Variants in RCAN1 observed in about 807,000 individuals in gnomAD.
RCAN1 encodes the protein regulator of calcineurin 1, also known as calcipressin-1.
A neutral mutation model predicts 22.9 loss-of-function variants in RCAN1; 11 were observed. That is an observed-to-expected ratio of 0.48 (90% CI 0.30 to 0.79). The LOEUF is 0.79. RCAN1 is among the 30% of genes least tolerant of loss of function. The pLI, the probability that RCAN1 is intolerant of heterozygous loss-of-function variation, is 0.06. For missense variants in RCAN1, 291 were observed against 337.8 expected (o/e 0.86, Z 1.09); for synonymous variants, 136 against 142.3 (o/e 0.96, Z 0.32).
chr21:34,555,812 C>T (rs1182428056), intron 1 of RCAN1, among the ~76,000 whole-genome samples: 1 of 151,670 alleles, frequency 6.6e-6, no homozygotes, highest in East Asian at 1.9e-4. Context: ...CCTGTAATCC[C>T]AGCACTTTGG....
chr21:34,537,509 C>T (rs1985723091), intron 1 of RCAN1, among the ~76,000 whole-genome samples: 1 of 152,218 alleles, frequency 6.6e-6, no homozygotes, highest in South Asian at 2.1e-4. Context: ...CTCCATTTCA[C>T]TGTGGCCGAG....
intron 1 of RCAN1, among the ~76,000 whole-genome samples, chr21:34,563,073 T>C (rs2834543): frequency 0.2 from 31,042 of 152,184 alleles, 3,392 homozygotes; most frequent in South Asian, 0.32. Context: ...CAGTATTGAT[T>C]GTGGTGTCCG....
chr21:34,544,426 G>C (rs4816493), intron 1 of RCAN1, among the ~76,000 whole-genome samples: 28,737 of 152,030 alleles, frequency 0.19, 3,950 homozygotes, highest in East Asian at 0.37. Context: ...CAGATTCTCC[G>C]CAAGAGTCTC....
chr21:34,601,005 C>T (rs1299087729), intron 1 of RCAN1, among the ~76,000 whole-genome samples: 2 of 152,184 alleles, frequency 1.3e-5, no homozygotes, highest in Non-Finnish European at 2.9e-5. Flanking sequence ...TGCAGGACCC[C>T]CTGGCCTGAA....
chr21:34,551,395 T>C (rs1198162207), intron 1 of RCAN1, among the ~76,000 whole-genome samples: 1 of 152,202 alleles, frequency 6.6e-6, no homozygotes, highest in Non-Finnish European at 1.5e-5. Flanking sequence ...AAAATAATGA[T>C]GTTGATTTGC....
At chr21:34,605,131 G>T (rs1988482267) in intron 1 of RCAN1, among the ~76,000 whole-genome samples, 1 of 152,236 alleles carries the variant, frequency 6.6e-6, no homozygotes, top group African/African-American at 2.4e-5. Flanking sequence ...TGAGTCAGTG[G>T]ACTGGGAAAG....
chr21:34,576,480 C>T (rs943380707), intron 1 of RCAN1, among the ~76,000 whole-genome samples: 2 of 152,184 alleles, frequency 1.3e-5, no homozygotes, highest in East Asian at 1.9e-4. Context: ...GGCTGTGACA[C>T]GTTCCAGGCT....
chr21:34,615,048 T>C lies in RCAN1; in HGVS notation c.-37A>G. The C allele has an allele frequency of 9.8e-7, 1 of 1,023,050 alleles. No homozygotes were observed. 63.4% of individuals were successfully genotyped at this position (1,023,050 alleles called of 1,614,324 possible). On this transcript the variant is annotated 5_prime_UTR_variant, in exon 1 of 4. Transcript: ENST00000313806. Reference sequence around the variant, plus strand: ...CGCGACCCTGTGCGCCCCAGCGGGCTGCTCCGGGCTTGCGCGCCGGAGCCT... The same window carrying C: ...CGCGACCCTGTGCGCCCCAGCGGGCCGCTCCGGGCTTGCGCGCCGGAGCCT...
chr21:34,559,994 G>C (rs1420147701), intron 1 of RCAN1: 1 of 152,146 alleles, frequency 6.6e-6, no homozygotes, highest in Non-Finnish European at 1.5e-5. Flanking sequence ...ATTACTTAAC[G>C]AGAGCAATGG....
chr21:34,557,412 A>T (rs1235604109), intron 1 of RCAN1, among the ~76,000 whole-genome samples: 4 of 152,124 alleles, frequency 2.6e-5, no homozygotes, highest in Non-Finnish European at 2.9e-5. Flanking sequence ...GGCAGCCCAC[A>T]TGTTTCTGTT....
chr21:34,537,457 G>A (rs1985720363), intron 1 of RCAN1, among the ~76,000 whole-genome samples: 1 of 152,124 alleles, frequency 6.6e-6, no homozygotes, highest in Non-Finnish European at 1.5e-5. Context: ...CTTCTTTTTG[G>A]TGGTGGTGGC....
Position 34,518,774 on chromosome 21 carries a change from A to G in RCAN1, c.587-518T>C, listed in dbSNP as rs943100925. ...GGCTGCACGGAGCCAGGTGCTCTGG[A>G]AACGTTTTTGACCTGGGCATCTTTT... On this transcript the variant is annotated intron_variant, in intron 3 of 3. Coordinates refer to ENST00000313806, the MANE Select transcript of RCAN1 (RefSeq NM_004414.7). The surrounding 1 kb of genome is among the most constrained non-coding windows in gnomAD (Gnocchi z 4.2). Among the ~76,000 whole-genome samples, 8 of 152,204 alleles carry G rather than the reference A, an allele frequency of 5.3e-5. No individual in the cohort carries two copies. The highest frequency in any genetic ancestry group is 1.2e-4 in the Non-Finnish European group (8 of 68,032).
At chr21:34,577,600 A>AAAACAAACAAAC (rs536808758) in intron 1 of RCAN1, among the ~76,000 whole-genome samples, 1 of 152,102 alleles carries the variant, frequency 6.6e-6, no homozygotes, top group Non-Finnish European at 1.5e-5. Context: ...CCCTGTCTCA[A>AAAACAAACAAAC]AAACAAACAA....
chr21:34,602,648 C>G (rs1441217766), intron 1 of RCAN1, among the ~76,000 whole-genome samples: 2 of 152,108 alleles, frequency 1.3e-5, no homozygotes, highest in Non-Finnish European at 2.9e-5. Context: ...GACTCCAGCC[C>G]AGAACACTGT....
In RCAN1 at chr21:34,614,484, C is replaced by T. The variant is rs944138078; in HGVS notation, c.252+276G>A. On this transcript the variant is annotated intron_variant, in intron 1 of 3. Coordinates refer to ENST00000313806, the MANE Select transcript of RCAN1 (RefSeq NM_004414.7). This position sits in a 1 kb window ranked among gnomAD's most constrained non-coding sequence, Gnocchi z 6.0. The stretch of plus-strand genomic sequence containing the variant: ...CCCACCTTGGGGAGCGAATTCACCC[C>T]CCTAGTCGCACCAGCCTGGGCGCAC... 6 of 1,032,720 alleles carry T rather than the reference C, an allele frequency of 5.8e-6. No homozygotes were observed. In the African/African-American group the frequency reaches 8.5e-5, roughly 15 times the overall value. The allele number at this position is 1,032,720 out of a possible 1,614,324, so 64.0% of individuals were successfully genotyped here. A position where few individuals can be genotyped will look rare whatever the true frequency, so the allele number is the denominator to read the frequency against.
At chr21:34,582,686 C>T (rs1279267964) in intron 1 of RCAN1, among the ~76,000 whole-genome samples, 1 of 152,198 alleles carries the variant, frequency 6.6e-6, no homozygotes, top group Non-Finnish European at 1.5e-5. Flanking sequence ...GCTCAGAGGA[C>T]TCAGAGCAAG....
At chr21:34,611,467 TC>T (rs1030933050) in intron 1 of RCAN1, among the ~76,000 whole-genome samples, 17 of 152,342 alleles carry the variant, frequency 1.1e-4, no homozygotes, top group African/African-American at 4.1e-4. Context: ...CAAAACAGCT[TC>T]TGATGTAAAT....
Position 34,614,772 on chromosome 21 carries a change from G to C in RCAN1, c.240C>G (p.Asp80Glu). ...ACHLDPRVFV[D>E]GLCRAKFESL... ...GCGCGGTCCTCACCCGGCACAGGCC[G>C]TCCACGAACACGCGCGGGTCCAGGT... The change falls in exon 1 of 4, where the codon GAC becomes GAG. Residue 80 changes from aspartate to glutamate, a missense_variant. Transcript: ENST00000313806. The surrounding 1 kb of genome is among the most constrained non-coding windows in gnomAD (Gnocchi z 6.0). 6.9e-7 allele frequency: 1 copy of C among 1,454,144 alleles called. No individual in the cohort carries two copies. The allele number at this position is 1,454,144 out of a possible 1,614,324, so 90.1% of individuals were successfully genotyped here.
At chr21:34,555,836 G>A (rs1429417289) in intron 1 of RCAN1, among the ~76,000 whole-genome samples, 1 of 151,652 alleles carries the variant, frequency 6.6e-6, no homozygotes, top group Non-Finnish European at 1.5e-5. Context: ...GCCGAGGCAG[G>A]TGGATCACGA....
Sources: gnomAD v4.1 joint callset for allele counts (sites outside exome capture counted in the v4.1 genomes callset) on GRCh38, gnomAD v4.1.1 for gene constraint, Gnocchi (gnomAD v3.1) non-coding constraint, MANE v1.5 for transcripts, NCBI Gene and HGNC (gene_info 2026-07-23, HGNC 2026-07-21) for gene names.